The following ABCA13 variants were observed in gnomAD, a reference collection of about 807,000 sequenced individuals.
ABCA13 encodes ATP binding cassette subfamily A member 13.
ABCA13 carries 476 observed loss-of-function variants against 478.7 expected under a neutral mutation model. The ratio of observed to expected loss-of-function variants is 0.99; its 90% CI spans 0.92 to 1.07. The LOEUF (loss-of-function observed/expected upper bound fraction) is 1.07. Among genes scored for constraint, ABCA13 ranks in the 50% least tolerant of loss-of-function variants. The pLI is 0.00. For synonymous variants in ABCA13, 2,252 were observed against 2,158.9 expected (o/e 1.04, Z -1.20); for missense variants, 6,060 against 5,910.6 (o/e 1.03, Z -0.83).
At chr7:48,246,309 C>G (rs996728938) in intron 13 of ABCA13, among the ~76,000 whole-genome samples, 1 of 151,920 alleles carries the variant, frequency 6.6e-6, no homozygotes, top group South Asian at 2.1e-4. Flanking sequence ...GATCCTTGAT[C>G]TGCTTCATTC....
chr7:48,587,261 G>T lies in ABCA13; in HGVS notation c.14613G>T (p.Leu4871=). 2.5e-6 allele frequency: 4 copies of T among 1,610,158 alleles called. No individual in the cohort carries two copies. The highest frequency in any genetic ancestry group is 3.4e-6 in the Non-Finnish European group (4 of 1,178,110). ...TKRKLSTALA[L]VGKPDILLLD... ...GGAAACTCTCTACAGCCCTGGCCCT[G>T]GTGGGGAAACCTGACATTCTTTTAT... is the stretch of plus-strand genomic sequence containing the variant. The change falls in exon 57 of 62, where the codon CTG becomes CTT. Residue 4871 remains leucine, a synonymous_variant. Transcript: ENST00000435803.
At chr7:48,287,535 G>T (rs1024969752) in intron 19 of ABCA13, among the ~76,000 whole-genome samples, 1 of 152,152 alleles carries the variant, frequency 6.6e-6, no homozygotes, top group Non-Finnish European at 1.5e-5. Flanking sequence ...GAGGCATGGG[G>T]CATGGAGAAG....
At chr7:48,219,221 T>A (rs1032152170) in intron 3 of ABCA13, 133 bp from the exon 4 acceptor site, 32 of 841,392 alleles carry the variant, frequency 3.8e-5, no homozygotes, top group Non-Finnish European at 5.4e-5. Flanking sequence ...AAATGGGCTC[T>A]CAGGGTAGAT....
chr7:48,567,561 T>C (rs1212394454), intron 55 of ABCA13, among the ~76,000 whole-genome samples: 1 of 152,150 alleles, frequency 6.6e-6, no homozygotes, highest in Admixed American at 6.6e-5. Flanking sequence ...GATTAATTAA[T>C]GTGTGGAGAT....
At chr7:48,413,290 G>T (rs1435097397) in intron 41 of ABCA13, among the ~76,000 whole-genome samples, 2 of 152,178 alleles carry the variant, frequency 1.3e-5, no homozygotes, top group Non-Finnish European at 2.9e-5. Flanking sequence ...ATGTGAGAGG[G>T]TTTAGCACGG....
At chr7:48,215,264 G>A (rs899281374) in intron 3 of ABCA13, among the ~76,000 whole-genome samples, 3 of 152,258 alleles carry the variant, frequency 2.0e-5, no homozygotes, top group Middle Eastern at 3.4e-3. Context: ...GGAACAGGAA[G>A]GCCCGAGGAG....
intron 49 of ABCA13, 24 bp downstream of exon 49, chr7:48,506,414 G>A (rs569841173): frequency 3.1e-5 from 50 of 1,611,420 alleles, no homozygotes; most frequent in African/African-American, 1.6e-4. Context: ...ATGCTGAGGG[G>A]TGTGTGACCC....
At chr7:48,377,591 T>C (rs1813703630) in intron 35 of ABCA13, among the ~76,000 whole-genome samples, 1 of 152,168 alleles carries the variant, frequency 6.6e-6, no homozygotes, top group South Asian at 2.1e-4. Context: ...TATGGGCCAC[T>C]GAAAAGATCA....
chr7:48,528,236 T>TCCACCCCTA lies in ABCA13; in HGVS notation c.14245_14246insCCACCCCTA (p.Cys4749delinsSerThrProSer). The TCCACCCCTA allele has an allele frequency of 6.4e-7, 1 of 1,568,504 alleles. No individual in the cohort carries two copies. The highest frequency in any genetic ancestry group is 8.7e-7 in the Non-Finnish European group (1 of 1,155,096). The stretch of plus-strand genomic sequence containing the variant: ...TTTACTTAACTTTGTTTCCTCTTAG[T>TCCACCCCTA]GCTTTGGACTTCTAGGGGTGAATGG... On this transcript the variant is annotated protein_altering_variant and splice_region_variant, in exon 55 of 62. Transcript: ENST00000435803.
chr7:48,208,036 A>G (rs1785147409), intron 3 of ABCA13, among the ~76,000 whole-genome samples: 1 of 152,100 alleles, frequency 6.6e-6, no homozygotes, highest in Non-Finnish European at 1.5e-5. Flanking sequence ...TCTTAGCAGC[A>G]TTTATTGAAG....
chr7:48,275,495 TC>T lies in ABCA13; in HGVS notation c.5831del (p.Pro1944LeufsTer5). On this transcript the variant is annotated frameshift_variant, in exon 17 of 62. Transcript: ENST00000435803. LOFTEE classifies it high-confidence loss of function. ...CTAGGGATAGCATCTCTGAACTCTG[TC>T]CTAGTGGTTCCATAAAGCAAGTTGC... is the stretch of plus-strand genomic sequence containing the variant. ...QTRDSISELCPSGSIKQVALQ... is the reference protein window; with the variant it reads ...QTRDSISELCXSGSIKQVALQ... 2.5e-6 allele frequency: 4 copies of T among 1,613,872 alleles called. No homozygotes were observed. Among genetic ancestry groups the T allele is most frequent in the Non-Finnish European group, 2.5e-6 (3 of 1,179,840 alleles).
Position 48,331,759 on chromosome 7 carries a change from C to T in ABCA13, c.10000-3663C>T, listed in dbSNP as rs551988921. On this transcript the variant is annotated intron_variant, in intron 27 of 61. Coordinates refer to ENST00000435803, the MANE Select transcript of ABCA13 (RefSeq NM_152701.5). ...AATTTCCCATTTTACTGTGTGTGTGCGTGTGTGTATTTAGTTTTATGCAGG... is the reference window on the plus strand; with the variant it reads ...AATTTCCCATTTTACTGTGTGTGTGTGTGTGTGTATTTAGTTTTATGCAGG... Among the ~76,000 whole-genome samples the T allele has an allele frequency of 1.3e-4, 20 of 152,122 alleles. No homozygotes were observed. The South Asian group carries it at 4.2e-3, about 32-fold the overall frequency.
intron 3 of ABCA13, among the ~76,000 whole-genome samples, chr7:48,203,465 C>G (rs1323525247): frequency 6.6e-6 from 1 of 152,228 alleles, no homozygotes; most frequent in South Asian, 2.1e-4. Context: ...ACTGCCAGCA[C>G]GCTGTCACCT....
In ABCA13 at chr7:48,515,325, C is replaced by T. The variant is rs575837459; in HGVS notation, c.13641-1400C>T. ...CTTCTCTGCTGATATTAGGAACCAT[C>T]GTTCAAAGTGTACTTCCTTTATTGG... On this transcript the variant is annotated intron_variant, in intron 51 of 61. Transcript: ENST00000435803. Among the ~76,000 whole-genome samples the T allele has an allele frequency of 5.3e-4, 81 of 152,274 alleles. 1 individual carries two copies. In the South Asian group the frequency reaches 0.012, roughly 23 times the overall value.
At chr7:48,528,730 C>A (rs1833037703) in intron 55 of ABCA13, among the ~76,000 whole-genome samples, 2 of 152,120 alleles carry the variant, frequency 1.3e-5, no homozygotes, top group South Asian at 4.2e-4. Flanking sequence ...GCCTAAGTGG[C>A]CAGATGGTTT....
At chr7:48,410,826 G>T in intron 40 of ABCA13, 149 bp downstream of exon 40, 2 of 1,159,278 alleles carry the variant, frequency 1.7e-6, no homozygotes, top group Admixed American at 4.7e-5. Context: ...CCCCAGGCCT[G>T]TGCAGGGAGC....
intron 48 of ABCA13, among the ~76,000 whole-genome samples, chr7:48,498,651 C>CTGGTGGGCGA (rs1830479359): frequency 2.0e-5 from 3 of 152,148 alleles, no homozygotes; most frequent in Admixed American, 6.5e-5. Flanking sequence ...AAAGGCTATA[C>CTGGTGGGCGA]TCCCCACATT....
intron 55 of ABCA13, among the ~76,000 whole-genome samples, chr7:48,551,337 A>G (rs1785305430): frequency 6.6e-6 from 1 of 151,866 alleles, no homozygotes; most frequent in Non-Finnish European, 1.5e-5. Flanking sequence ...GTACATTTAA[A>G]CTTCATCTTT....
chr7:48,326,228 T>A (rs1429417329), intron 27 of ABCA13, among the ~76,000 whole-genome samples: 1 of 152,070 alleles, frequency 6.6e-6, no homozygotes, highest in African/African-American at 2.4e-5. Flanking sequence ...CCCTCTTCCT[T>A]CACTGTCCCT....
Sources: allele counts gnomAD v4.1 joint callset (sites outside exome capture counted in the v4.1 genomes callset), GRCh38; gene constraint gnomAD v4.1.1; transcripts MANE v1.5; gene names NCBI Gene and HGNC (gene_info 2026-07-23, HGNC 2026-07-21).